The following NCOA2 variants were observed in gnomAD, a reference collection of about 807,000 sequenced individuals.
NCOA2 encodes the protein nuclear receptor coactivator 2, also known as class E basic helix-loop-helix protein 75.
Under a neutral mutation model 145.1 loss-of-function variants are expected in NCOA2, and 21 were observed. That is an observed-to-expected ratio of 0.14 (90% CI 0.10 to 0.21). The LOEUF is 0.21. Ranked by LOEUF, NCOA2 falls within the 10% of genes least tolerant of loss-of-function variation. The probability of loss-of-function intolerance (pLI) is 1.00; values close to 1 mark genes in which losing one functional copy is unlikely to be tolerated. For synonymous variants in NCOA2, 619 were observed against 637.5 expected (o/e 0.97, Z 0.44); for missense variants, 1,472 against 1,837.6 (o/e 0.80, Z 3.64).
Position 70,254,216 on chromosome 8 carries a change from C to T in NCOA2, c.-19-37452G>A, listed in dbSNP as rs372770163. ...GATACTACCTCACACCCATAAGGAT[C>T]GCTACTATCAAAAATATAGAAAATA... On this transcript the variant is annotated intron_variant, in intron 2 of 22. Coordinates refer to ENST00000452400, the MANE Select transcript of NCOA2 (RefSeq NM_006540.4). 4.6e-5 allele frequency among the ~76,000 whole-genome samples: 7 copies of T among 152,204 alleles called. No individual in the cohort carries two copies. In the East Asian group the frequency reaches 1.3e-3, roughly 29 times the overall value.
At chr8:70,421,905 G>C in the NCOA2 span, among the ~76,000 whole-genome samples, 2 of 152,032 alleles carry the variant, frequency 1.3e-5, no homozygotes, top group African/African-American at 4.8e-5. Flanking sequence ...GACTAGCCTG[G>C]CCAACATGGT....
intron 1 of NCOA2, among the ~76,000 whole-genome samples, chr8:70,312,573 A>G (rs1197409480): frequency 1.3e-5 from 2 of 151,832 alleles, no homozygotes; most frequent in East Asian, 3.8e-4. Context: ...AATGAACAAA[A>G]TCATCTTGGA....
intron 2 of NCOA2, among the ~76,000 whole-genome samples, chr8:70,292,173 C>T (rs753886671): frequency 2.6e-5 from 4 of 151,816 alleles, no homozygotes; most frequent in Non-Finnish European, 4.4e-5. Flanking sequence ...CCTGCTCTGT[C>T]GCCAGGCTGG....
In NCOA2 at chr8:70,328,990, C is replaced by CT. The variant is rs534697044; in HGVS notation, c.-76-32191dup. 6.6e-5 allele frequency among the ~76,000 whole-genome samples: 10 copies of CT among 152,258 alleles called. 1 individual carries two copies. In the South Asian group the frequency reaches 2.1e-3, roughly 32 times the overall value. ...CTTCTTAGAGACAGGATCTCACACTCTGTCACCCAAGCTGGAGTGCAGTGG... is the reference window on the plus strand; with the variant it reads ...CTTCTTAGAGACAGGATCTCACACTCTTGTCACCCAAGCTGGAGTGCAGTGG... On this transcript the variant is annotated intron_variant, in intron 1 of 22. Coordinates refer to ENST00000452400, the MANE Select transcript of NCOA2 (RefSeq NM_006540.4).
chr8:70,356,797 G>A (rs1401617717), intron 1 of NCOA2, among the ~76,000 whole-genome samples: 1 of 152,078 alleles, frequency 6.6e-6, no homozygotes, highest in African/African-American at 2.4e-5. Flanking sequence ...TACCTCAAAA[G>A]GTATTTTCAC....
chr8:70,327,030 T>G, intron 1 of NCOA2, among the ~76,000 whole-genome samples: 1 of 152,212 alleles, frequency 6.6e-6, no homozygotes, highest in Non-Finnish European at 1.5e-5. Flanking sequence ...CTCACTTCAC[T>G]GCCTTTGCTT....
chr8:70,153,756 A>T (rs1812006450), intron 11 of NCOA2, among the ~76,000 whole-genome samples: 1 of 152,204 alleles, frequency 6.6e-6, no homozygotes, highest in African/African-American at 2.4e-5. Flanking sequence ...ACTTTATTCA[A>T]GACATTGCTA....
chr8:70,208,551 G>A (rs1818704592), intron 4 of NCOA2, among the ~76,000 whole-genome samples: 1 of 152,158 alleles, frequency 6.6e-6, no homozygotes. Flanking sequence ...GAGGAGAGAA[G>A]TCAACGCCTC....
chr8:70,211,866 C>CATTA (rs1819063596), intron 4 of NCOA2, among the ~76,000 whole-genome samples: 1 of 152,026 alleles, frequency 6.6e-6, no homozygotes, highest in Non-Finnish European at 1.5e-5. Context: ...TTAGCAGGAA[C>CATTA]ATTATTAGAA....
intron 2 of NCOA2, among the ~76,000 whole-genome samples, chr8:70,237,595 T>C (rs1821745382): frequency 6.6e-6 from 1 of 151,882 alleles, no homozygotes; most frequent in Non-Finnish European, 1.5e-5. Flanking sequence ...AGACTCTGTA[T>C]CTACAAAAGA....
intron 4 of NCOA2, among the ~76,000 whole-genome samples, chr8:70,204,794 C>A (rs1287587181): frequency 1.3e-5 from 2 of 152,168 alleles, no homozygotes; most frequent in African/African-American, 4.8e-5. Flanking sequence ...GAGTTCAAGA[C>A]CAGCCTGGGC....
rs950171605 is a variant in NCOA2 at position 70,111,194 on chromosome 8, C to T, written c.*2438G>A. 6 of 222,628 alleles carry T rather than the reference C, an allele frequency of 2.7e-5. No homozygotes were observed. In the South Asian group the frequency reaches 5.5e-4, roughly 20 times the overall value. 13.8% of individuals were successfully genotyped at this position (222,628 alleles called of 1,614,324 possible). A position where few individuals can be genotyped will look rare whatever the true frequency, so the allele number is the denominator to read the frequency against. Reference sequence around the variant, plus strand: ...ATAAATTACCAGTATCATGAAGTTGCGGATTTGTCTGAATTAGGATTGACA... The same window carrying T: ...ATAAATTACCAGTATCATGAAGTTGTGGATTTGTCTGAATTAGGATTGACA... On this transcript the variant is annotated 3_prime_UTR_variant, in exon 23 of 23. Coordinates refer to ENST00000452400, the MANE Select transcript of NCOA2 (RefSeq NM_006540.4).
Position 70,284,267 on chromosome 8 carries a change from A to C in NCOA2, c.-20+12477T>G, listed in dbSNP as rs369064152. 2.0e-4 allele frequency among the ~76,000 whole-genome samples: 30 copies of C among 152,338 alleles called. 2 individuals are homozygous for C. The South Asian group carries it at 6.2e-3, about 32-fold the overall frequency. On this transcript the variant is annotated intron_variant, in intron 2 of 22. Coordinates refer to ENST00000452400, the MANE Select transcript of NCOA2 (RefSeq NM_006540.4). ...TTTGTGTGAAGCCCTCCTTGGATACAAATTTGAAAAATAAATGTCCTCCTC... is the reference window on the plus strand; with the variant it reads ...TTTGTGTGAAGCCCTCCTTGGATACCAATTTGAAAAATAAATGTCCTCCTC...
rs1342673421 is a variant in NCOA2, at chr8:70,156,253, G to A, written c.2112C>T (p.Ala704=). Residue 704 remains alanine (A), a synonymous_variant, in exon 11 of 23, where the codon GCC becomes GCT. Transcript: ENST00000452400. ...LQDSSSPVDL[A]KLTAEATGKD... ...TGCCTGTGGCTTCTGCTGTTAACTTGGCCAAGTCCACAGGGGAACTGCTGT... is the reference window on the plus strand; with the variant it reads ...TGCCTGTGGCTTCTGCTGTTAACTTAGCCAAGTCCACAGGGGAACTGCTGT... The A allele has an allele frequency of 1.2e-6, 2 of 1,613,832 alleles. No homozygotes were observed. The highest frequency in any genetic ancestry group is 1.7e-6 in the Non-Finnish European group (2 of 1,179,858).
chr8:70,406,721 C>G (rs1056429951), upstream of NCOA2, among the ~76,000 whole-genome samples: 2 of 152,116 alleles, frequency 1.3e-5, no homozygotes, highest in African/African-American at 4.8e-5. Context: ...ATGACTGCTA[C>G]AAGACAAGAA....
intron 2 of NCOA2, among the ~76,000 whole-genome samples, chr8:70,224,548 T>C (rs556256687): frequency 2.0e-4 from 30 of 152,284 alleles, no homozygotes; most frequent in African/African-American, 6.5e-4. Context: ...CTCCAATTTC[T>C]GTTTATTTAA....
intron 1 of NCOA2, among the ~76,000 whole-genome samples, chr8:70,323,072 A>G (rs1168219437): frequency 6.6e-6 from 1 of 152,170 alleles, no homozygotes; most frequent in Non-Finnish European, 1.5e-5. Context: ...CTAATTACTG[A>G]GTCAGATTTA....
intron 1 of NCOA2, among the ~76,000 whole-genome samples, chr8:70,363,003 G>A (rs1174893938): frequency 6.0e-5 from 9 of 150,660 alleles, no homozygotes; most frequent in East Asian, 2.0e-4. Context: ...ACCTGAGCCC[G>A]GAGAGGTCGA....
At chr8:70,196,313 T>C (rs10091910) in intron 4 of NCOA2, among the ~76,000 whole-genome samples, 116,689 of 152,108 alleles carry the variant, frequency 0.77, 45,725 homozygotes, top group Non-Finnish European at 0.84. Flanking sequence ...GAGGCGGAGG[T>C]TGCAGTGAGC....
Sources: gnomAD v4.1 joint callset for allele counts (sites outside exome capture counted in the v4.1 genomes callset) on GRCh38, gnomAD v4.1.1 for gene constraint, MANE v1.5 for transcripts, NCBI Gene and HGNC (gene_info 2026-07-23, HGNC 2026-07-21) for gene names.